Variants in CDC42BPB observed in about 807,000 individuals in gnomAD.
CDC42BPB encodes the protein CDC42 binding protein kinase beta, also known as serine/threonine-protein kinase MRCK beta.
CDC42BPB carries 37 observed loss-of-function variants against 214.9 expected under a neutral mutation model. That is an observed-to-expected ratio of 0.17 (90% confidence interval 0.13 to 0.23). The LOEUF (loss-of-function observed/expected upper bound fraction) is 0.23. Ranked by LOEUF, CDC42BPB falls within the 10% of genes least tolerant of loss-of-function variation. CDC42BPB has a pLI of 1.00. For synonymous variants in CDC42BPB, 931 were observed against 884.0 expected (o/e 1.05, Z -0.94); for missense variants, 1,694 against 2,227.0 (o/e 0.76, Z 4.82).
intron 5 of CDC42BPB, among the ~76,000 whole-genome samples, chr14:102,989,068 T>C (rs974998264): frequency 6.6e-6 from 1 of 152,140 alleles, no homozygotes; most frequent in Admixed American, 6.5e-5. Flanking sequence ...AATACTTCTT[T>C]AAGAATTGGG....
At chr14:103,000,769 G>A (rs1020539997) in intron 4 of CDC42BPB, among the ~76,000 whole-genome samples, 4 of 152,168 alleles carry the variant, frequency 2.6e-5, no homozygotes, top group African/African-American at 7.2e-5. Flanking sequence ...GCCCACGCTC[G>A]GGCCCAGGCT....
rs930464489 is a variant in CDC42BPB at position 103,012,990 on chromosome 14, G to C, written c.176-802C>G. ...CGTGCTGTTGTCATGTTCGCACAAT[G>C]ACAAAAACCACCTAACCATGCATTT... On this transcript the variant is annotated intron_variant, in intron 1 of 36. Transcript: ENST00000361246. Among the ~76,000 whole-genome samples, 5 of 152,148 alleles carry C rather than the reference G, an allele frequency of 3.3e-5. No individual in the cohort carries two copies. In the East Asian group the frequency reaches 9.6e-4, roughly 29 times the overall value.
intron 1 of CDC42BPB, among the ~76,000 whole-genome samples, 178 bp downstream of exon 1, chr14:103,056,821 G>A (rs1054099925): frequency 6.6e-6 from 1 of 151,934 alleles, no homozygotes; most frequent in Non-Finnish European, 1.5e-5. Context: ...AGCGGCTGGA[G>A]AGAGATGGGC....
chr14:103,034,767 A>G (rs577859874), intron 1 of CDC42BPB, among the ~76,000 whole-genome samples: 1 of 151,718 alleles, frequency 6.6e-6, no homozygotes, highest in South Asian at 2.1e-4. Context: ...GCAGTGAGCT[A>G]AGATCGTGCC....
At chr14:103,046,505 A>T (rs540063700) in intron 1 of CDC42BPB, among the ~76,000 whole-genome samples, 73 of 152,366 alleles carry the variant, frequency 4.8e-4, no homozygotes, top group African/African-American at 1.7e-3. Flanking sequence ...AAGAACGCAC[A>T]GGAAACAGAC....
intron 20 of CDC42BPB, among the ~76,000 whole-genome samples, chr14:102,962,217 C>T (rs1277646833): frequency 6.6e-6 from 1 of 152,256 alleles, no homozygotes; most frequent in Non-Finnish European, 1.5e-5. Context: ...AGGAACGTCA[C>T]TGCACAGCCT....
chr14:103,025,807 A>G (rs1449280930), intron 1 of CDC42BPB, among the ~76,000 whole-genome samples: 1 of 141,676 alleles, frequency 7.1e-6, no homozygotes, highest in East Asian at 2.0e-4. Flanking sequence ...ACTCTGTCTC[A>G]AAAAAAAAAA....
chr14:103,011,962 AG>A (rs1886184018), intron 2 of CDC42BPB, 134 bp downstream of exon 2: 1 of 680,716 alleles, frequency 1.5e-6, no homozygotes, highest in African/African-American at 1.8e-5. Flanking sequence ...AAAGAGAGAG[AG>A]GAAAAAACAA....
Position 103,057,244 on chromosome 14 carries a change from C to A in CDC42BPB, c.-71G>T. ...CTCGGCCAGTCCGTCAGGGCGCGCC[C>A]TCGGGGGCTCGGCGGCTGCGAGCCC... On this transcript the variant is annotated 5_prime_UTR_variant, in exon 1 of 37. The change creates a new upstream start codon in the 5' untranslated region. Coordinates refer to ENST00000361246, the MANE Select transcript of CDC42BPB (RefSeq NM_006035.4). 1 of 1,203,964 alleles carries A rather than the reference C, an allele frequency of 8.3e-7. No individual in the cohort carries two copies. The highest frequency in any genetic ancestry group is 3.4e-5 in the East Asian group (1 of 29,300). 74.6% of individuals were successfully genotyped at this position (1,203,964 alleles called of 1,614,324 possible).
At chr14:103,024,139 G>A (rs967243736) in intron 1 of CDC42BPB, among the ~76,000 whole-genome samples, 2 of 152,240 alleles carry the variant, frequency 1.3e-5, no homozygotes, top group Non-Finnish European at 2.9e-5. Context: ...GGCTGGGACC[G>A]CCAGGACAGG....
At chr14:102,962,233 G>A (rs555827805) in intron 20 of CDC42BPB, among the ~76,000 whole-genome samples, 2 of 152,208 alleles carry the variant, frequency 1.3e-5, no homozygotes, top group African/African-American at 2.4e-5. Flanking sequence ...AGCCTCTGGA[G>A]GCCTGTCCGT....
chr14:102,983,459 G>C (rs1327013088), intron 7 of CDC42BPB, 97 bp downstream of exon 7: 10 of 1,533,734 alleles, frequency 6.5e-6, no homozygotes, highest in Non-Finnish European at 1.7e-6. Flanking sequence ...TCAACTACTC[G>C]CGTTGCTTCC....
intron 5 of CDC42BPB, among the ~76,000 whole-genome samples, chr14:102,995,299 C>T (rs1174528466): frequency 6.6e-6 from 1 of 152,074 alleles, no homozygotes; most frequent in Non-Finnish European, 1.5e-5. Flanking sequence ...CCCAGCCTCC[C>T]GAGCAGCTGG....
At chr14:103,042,503 G>T (rs565879566) in intron 1 of CDC42BPB, among the ~76,000 whole-genome samples, 1 of 152,038 alleles carries the variant, frequency 6.6e-6, no homozygotes, top group Non-Finnish European at 1.5e-5. Flanking sequence ...GTAGAGATGG[G>T]GTTTCACCAT....
At chr14:102,988,871 CA>C (rs34126680) in intron 5 of CDC42BPB, among the ~76,000 whole-genome samples, 2,425 of 116,742 alleles carry the variant, frequency 0.021, 65 homozygotes, top group African/African-American at 0.067. Flanking sequence ...CCCCCCCTTC[CA>C]AAAAAAAAAA....
In CDC42BPB at chr14:103,031,379, C is replaced by G. The variant is rs945505778; in HGVS notation, c.176-19191G>C. The stretch of plus-strand genomic sequence containing the variant: ...CCTAGAGATGAGACACTAAAATCAA[C>G]AAATGAAAGAGCTTTCCAAATAATC... On this transcript the variant is annotated intron_variant, in intron 1 of 36. Coordinates refer to ENST00000361246, the MANE Select transcript of CDC42BPB (RefSeq NM_006035.4). Among the ~76,000 whole-genome samples the G allele has an allele frequency of 3.3e-5, 5 of 152,130 alleles. No homozygotes were observed. In the East Asian group the frequency reaches 7.7e-4, roughly 23 times the overall value.
chr14:103,020,797 A>T (rs970281295), intron 1 of CDC42BPB, among the ~76,000 whole-genome samples: 5 of 152,260 alleles, frequency 3.3e-5, no homozygotes, highest in Non-Finnish European at 5.9e-5. Flanking sequence ...ATTTATTCTT[A>T]CGGTTCAGAC....
intron 1 of CDC42BPB, among the ~76,000 whole-genome samples, chr14:103,013,022 A>C (rs1886243589): frequency 6.6e-6 from 1 of 152,228 alleles, no homozygotes; most frequent in Admixed American, 6.5e-5. Context: ...ATTTCTCAGG[A>C]GGTATCCCCA....
intron 2 of CDC42BPB, among the ~76,000 whole-genome samples, chr14:103,011,264 G>T (rs1192987496): frequency 6.6e-6 from 1 of 152,218 alleles, no homozygotes; most frequent in Admixed American, 6.5e-5. Context: ...CTCTCCAGCT[G>T]CACCTGCATG....
Sources: gnomAD v4.1 joint callset for allele counts (sites outside exome capture counted in the v4.1 genomes callset) on GRCh38, gnomAD v4.1.1 for gene constraint, MANE v1.5 for transcripts, NCBI Gene and HGNC (gene_info 2026-07-23, HGNC 2026-07-21) for gene names.